The following EDDM13 variants were observed in gnomAD, a reference collection of about 807,000 sequenced individuals.
EDDM13 encodes epididymal protein 13.
EDDM13 carries 24 observed loss-of-function variants against 17.8 expected under a neutral mutation model. That is an observed-to-expected ratio of 1.35 (90% CI 0.98 to 1.90). EDDM13 has a LOEUF of 1.90. Ranked by LOEUF, EDDM13 falls within the 40% of genes most tolerant of loss-of-function variation. The pLI, the probability that EDDM13 is intolerant of heterozygous loss-of-function variation, is 0.00. For synonymous variants in EDDM13, 31 were observed against 37.5 expected, an observed-to-expected ratio of 0.83 and a Z score of 0.63; for missense variants, 97 against 100.8, an observed-to-expected ratio of 0.96 and a Z score of 0.16.
chr19:56,298,546 G>A (rs989319177), intron 12 of EDDM13, among the ~76,000 whole-genome samples: 5 of 151,802 alleles, frequency 3.3e-5, no homozygotes, highest in Admixed American at 6.6e-5. Flanking sequence ...CCAGCTACTC[G>A]GGAGGCTGAG....
chr19:56,281,767 G>C, intron 3 of EDDM13, 69 bp downstream of exon 3: 1 of 941,506 alleles, frequency 1.1e-6, no homozygotes, highest in Non-Finnish European at 1.3e-6. Context: ...GGAAGGGAAT[G>C]AAAGAGAGAG....
At chr19:56,286,182 C>T (rs1239507434) in intron 6 of EDDM13, among the ~76,000 whole-genome samples, 4 of 151,884 alleles carry the variant, frequency 2.6e-5, no homozygotes, top group South Asian at 2.1e-4. Context: ...CCACCATGCT[C>T]GGCTAATTTT....
At chr19:56,293,661 C>G (rs773834375) in intron 9 of EDDM13, among the ~76,000 whole-genome samples, 3 of 152,148 alleles carry the variant, frequency 2.0e-5, no homozygotes, top group Non-Finnish European at 4.4e-5. Flanking sequence ...GAGGAGTAAA[C>G]AGGATCATGC....
chr19:56,302,305 CTT>C (rs1417952654), intron 13 of EDDM13, among the ~76,000 whole-genome samples: 3 of 148,522 alleles, frequency 2.0e-5, no homozygotes, highest in African/African-American at 7.3e-5. Flanking sequence ...CTTCTTCCCT[CTT>C]TTCTCCCTCC....
chr19:56,284,888 C>T, intron 5 of EDDM13, 110 bp from the exon 6 acceptor site: 1 of 388,454 alleles, frequency 2.6e-6, no homozygotes, highest in Non-Finnish European at 3.5e-6. Flanking sequence ...ATTATAGCCA[C>T]ACTTCCTGAA....
intron 9 of EDDM13, among the ~76,000 whole-genome samples, chr19:56,294,176 G>C (rs774034055): frequency 1.3e-5 from 2 of 151,804 alleles, no homozygotes; most frequent in South Asian, 4.2e-4. Flanking sequence ...CTCCAGTAAC[G>C]AGCAAAAGCC....
intron 11 of EDDM13, among the ~76,000 whole-genome samples, chr19:56,297,188 G>A (rs1335582677): frequency 6.6e-6 from 1 of 152,146 alleles, no homozygotes; most frequent in Non-Finnish European, 1.5e-5. Context: ...AGAGAGAACA[G>A]TATATGCAAA....
intron 6 of EDDM13, among the ~76,000 whole-genome samples, chr19:56,285,791 A>T (rs1263042660): frequency 6.6e-6 from 1 of 151,658 alleles, no homozygotes; most frequent in East Asian, 2.0e-4. Flanking sequence ...GTTTTGTTTT[A>T]TTTTGTTTTG....
At chr19:56,274,764 T>G (rs2038125719) in intron 1 of EDDM13, 1 of 63,702 alleles carries the variant, frequency 1.6e-5, no homozygotes. Flanking sequence ...TCAATTAAGT[T>G]TTTTGTTTTG....
In EDDM13 at chr19:56,281,683, C is replaced by T; in HGVS notation, c.104-10C>T. 1.0e-6 allele frequency: 1 copy of T among 985,298 alleles called. No individual in the cohort carries two copies. The highest frequency in any genetic ancestry group is 1.7e-5 in the African/African-American group (1 of 57,340). The allele number at this position is 985,298 out of a possible 1,614,324, so 61.0% of individuals were successfully genotyped here. On this transcript the variant is annotated splice_polypyrimidine_tract_variant and intron_variant, in intron 2 of 14. Transcript: ENST00000649256. ...GATTCACTGGCTCCTGGCTCTGCTGCCCCTTCCAGTCAACTGTAAGTCATA... is the reference window on the plus strand; with the variant it reads ...GATTCACTGGCTCCTGGCTCTGCTGTCCCTTCCAGTCAACTGTAAGTCATA...
In EDDM13 at chr19:56,288,454, C is replaced by G. The variant is rs2147130441; in HGVS notation, c.208+16C>G. ...TCCCCGCAAGGTTAGCAACCATCAC[C>G]CCCTTATAGGTTCCCATGGAACCCA... On this transcript the variant is annotated intron_variant, in intron 7 of 14. Transcript: ENST00000649256. Among the ~76,000 whole-genome samples the G allele has an allele frequency of 6.6e-6, 1 of 152,300 alleles. No homozygotes were observed. The highest frequency in any genetic ancestry group is 2.1e-4 in the South Asian group (1 of 4,826).
chr19:56,289,171 G>C (rs1280223994), intron 8 of EDDM13, among the ~76,000 whole-genome samples: 1 of 152,196 alleles, frequency 6.6e-6, no homozygotes. Flanking sequence ...CTCTGACCAT[G>C]CCTGATTTCA....
chr19:56,280,977 T>A (rs1348574220), intron 2 of EDDM13, among the ~76,000 whole-genome samples: 1 of 152,196 alleles, frequency 6.6e-6, no homozygotes, highest in Admixed American at 6.5e-5. Flanking sequence ...AAAATTCACA[T>A]ATAACTTTTG....
chr19:56,303,519 A>AGGGAGGGAGGGAGGCAAGAC (rs2040485292), intron 13 of EDDM13, among the ~76,000 whole-genome samples: 1 of 129,998 alleles, frequency 7.7e-6, no homozygotes, highest in Non-Finnish European at 1.6e-5. Flanking sequence ...GAAAGGAGGG[A>AGGGAGGGAGGGAGGCAAGAC]GGGAGGGAGG....
intron 13 of EDDM13, chr19:56,302,816 TG>T: frequency 2.5e-6 from 1 of 398,720 alleles, no homozygotes; most frequent in Admixed American, 4.4e-5. Flanking sequence ...CCTCTCTCTC[TG>T]CCGCTGTCTC....
At chr19:56,280,369 G>T (rs1257612002) in intron 2 of EDDM13, among the ~76,000 whole-genome samples, 4 of 152,050 alleles carry the variant, frequency 2.6e-5, no homozygotes, top group African/African-American at 9.7e-5. Context: ...CACTCAGGTT[G>T]TTTTCAGTAG....
At chr19:56,303,864 G>C (rs554574978) in intron 13 of EDDM13, among the ~76,000 whole-genome samples, 1 of 152,254 alleles carries the variant, frequency 6.6e-6, no homozygotes, top group African/African-American at 2.4e-5. Flanking sequence ...TGCCTTCAGA[G>C]CAGCTTGGGG....
At position 56,282,477 on chromosome 19, in the gene EDDM13, T is replaced by C. The variant is rs2038787441; in HGVS notation, c.110-14T>C. ...CCATCGGTCCTGTCCTTCCTGCTGC[T>C]TGTCTGCCAACAGTGCTGAAAGGTA... On this transcript the variant is annotated splice_polypyrimidine_tract_variant and intron_variant, in intron 3 of 14. Coordinates refer to ENST00000649256, the MANE Select transcript of EDDM13 (RefSeq NM_001354658.2). The C allele has an allele frequency of 2.0e-6, 2 of 985,406 alleles. No homozygotes were observed. The highest frequency in any genetic ancestry group is 2.4e-6 in the Non-Finnish European group (2 of 829,904). 61.0% of individuals were successfully genotyped at this position (985,406 alleles called of 1,614,324 possible).
chr19:56,279,338 G>A (rs2038504390), intron 2 of EDDM13, among the ~76,000 whole-genome samples: 1 of 152,138 alleles, frequency 6.6e-6, no homozygotes. Flanking sequence ...GGCAGGGACT[G>A]TACTTTACTC....
Sources: allele counts gnomAD v4.1 joint callset (sites outside exome capture counted in the v4.1 genomes callset), GRCh38; gene constraint gnomAD v4.1.1; transcripts MANE v1.5; gene names NCBI Gene and HGNC (gene_info 2026-07-23, HGNC 2026-07-21).